The following CHL1 variants were observed in gnomAD, a reference collection of about 807,000 sequenced individuals.
The protein encoded by CHL1 is cell adhesion molecule L1 like, also known as neural cell adhesion molecule L1-like protein.
In CHL1, 96 loss-of-function variants were observed where a neutral mutation model predicts 141.9. The ratio of observed to expected loss-of-function variants is 0.68; its 90% CI spans 0.57 to 0.80. The LOEUF (loss-of-function observed/expected upper bound fraction) is 0.80. Ranked by LOEUF, CHL1 falls within the 30% of genes least tolerant of loss-of-function variation. The pLI is 0.00. For synonymous variants in CHL1, 613 were observed against 502.2 expected (o/e 1.22, Z -2.95); for missense variants, 1,820 against 1,457.2 (o/e 1.25, Z -4.05).
At chr3:218,973 C>T (rs1036504168) in intron 1 of CHL1, among the ~76,000 whole-genome samples, 4 of 151,890 alleles carry the variant, frequency 2.6e-5, no homozygotes, top group African/African-American at 9.7e-5. Flanking sequence ...GGTGAAACCC[C>T]GTCAGTAAAT....
intron 2 of CHL1, among the ~76,000 whole-genome samples, chr3:277,017 A>G (rs1210816641): frequency 6.6e-6 from 1 of 151,672 alleles, no homozygotes; most frequent in Non-Finnish European, 1.5e-5. Flanking sequence ...AAATGATCTC[A>G]TCTGAAAATT....
chr3:392,700 G>C (rs1001058339), intron 23 of CHL1, among the ~76,000 whole-genome samples: 3 of 152,154 alleles, frequency 2.0e-5, no homozygotes, highest in Admixed American at 6.5e-5. Flanking sequence ...TAGTCCTGTT[G>C]TGCTACTTTC....
intron 2 of CHL1, among the ~76,000 whole-genome samples, chr3:299,119 G>C (rs1404783810): frequency 6.6e-6 from 1 of 152,108 alleles, no homozygotes; most frequent in Non-Finnish European, 1.5e-5. Context: ...AAATGAAAGA[G>C]AATTCCTGGT....
intron 2 of CHL1, among the ~76,000 whole-genome samples, chr3:319,227 G>A (rs1700371728): frequency 8.1e-6 from 1 of 123,190 alleles, no homozygotes; most frequent in African/African-American, 3.6e-5. Flanking sequence ...ACTAGATGGG[G>A]GAGGGTAAGA....
chr3:259,620 G>C (rs1574887645), intron 2 of CHL1, among the ~76,000 whole-genome samples: 1 of 151,592 alleles, frequency 6.6e-6, no homozygotes, highest in African/African-American at 2.4e-5. Flanking sequence ...GCTTTACCCT[G>C]CTTTATTATT....
At chr3:212,009 ATAAAAAGTTACT>A (rs1699940197) in intron 1 of CHL1, among the ~76,000 whole-genome samples, 1 of 152,192 alleles carries the variant, frequency 6.6e-6, no homozygotes, top group African/African-American at 2.4e-5. Flanking sequence ...TTAGCCACCG[ATAAAAAGTTACT>A]TATTCAGAAA....
chr3:246,411 A>G, intron 2 of CHL1, among the ~76,000 whole-genome samples: 1 of 152,168 alleles, frequency 6.6e-6, no homozygotes, highest in East Asian at 1.9e-4. Context: ...TCATTATTTA[A>G]TTCTACAAAA....
chr3:331,533 T>G (rs758724451), intron 5 of CHL1, among the ~76,000 whole-genome samples: 1 of 152,110 alleles, frequency 6.6e-6, no homozygotes, highest in Admixed American at 6.6e-5. Flanking sequence ...TGAGCCACCA[T>G]GCCCAGTGTG....
chr3:368,357 A>G (rs999558812), intron 15 of CHL1, among the ~76,000 whole-genome samples: 13 of 151,734 alleles, frequency 8.6e-5, no homozygotes, highest in African/African-American at 3.1e-4. Flanking sequence ...GGTCATGTTG[A>G]GCTTTTTTTC....
intron 2 of CHL1, among the ~76,000 whole-genome samples, chr3:269,525 C>G (rs905102897): frequency 1.9e-4 from 29 of 151,952 alleles, no homozygotes; most frequent in African/African-American, 7.0e-4. Flanking sequence ...AAGACTCTCT[C>G]TCTCTATATA....
intron 1 of CHL1, among the ~76,000 whole-genome samples, chr3:214,271 ATCCCT>A (rs1559280091): frequency 6.6e-6 from 1 of 152,104 alleles, no homozygotes. Context: ...CCATCCACTG[ATCCCT>A]TCTAGGGCCT....
At chr3:330,799 G>T (rs747476723) in intron 5 of CHL1, among the ~76,000 whole-genome samples, 11 of 152,136 alleles carry the variant, frequency 7.2e-5, no homozygotes, top group Non-Finnish European at 1.5e-4. Context: ...AGTCATAGGG[G>T]ATTCTTGTTT....
intron 16 of CHL1, among the ~76,000 whole-genome samples, chr3:378,968 G>A (rs1706691920): frequency 6.6e-6 from 1 of 152,154 alleles, no homozygotes; most frequent in Non-Finnish European, 1.5e-5. Context: ...ACAGACATTT[G>A]TTCTGTTTCG....
At chr3:398,465 T>A (rs957673850) in intron 25 of CHL1, 80 bp downstream of exon 25, 1 of 796,548 alleles carries the variant, frequency 1.3e-6, no homozygotes, top group South Asian at 2.7e-5. Flanking sequence ...GTGTCCTATA[T>A]TAAACATAAA....
At chr3:252,399 T>TATA (rs1693789458) in intron 2 of CHL1, among the ~76,000 whole-genome samples, 1 of 143,388 alleles carries the variant, frequency 7.0e-6, no homozygotes, top group Non-Finnish European at 1.5e-5. Context: ...TATATATATA[T>TATA]ATTTCTATTT....
chr3:390,714 T>G lies in CHL1; in HGVS notation c.2484T>G (p.Ala828=). The part of the protein sequence containing the change: ...LYSGEDYPDT[A]PVIHGVDVIN... ...TATGATTAACAGATCCTGATACAGC[T>G]CCAGTGATCCATGGGGTGGACGTTA... The change falls in exon 21 of 28, where the codon GCT becomes GCG. Residue 828 remains alanine (A), a synonymous_variant. Coordinates refer to ENST00000256509, the MANE Select transcript of CHL1 (RefSeq NM_006614.4). 1.3e-6 allele frequency: 2 copies of G among 1,583,256 alleles called. No homozygotes were observed. The highest frequency in any genetic ancestry group is 8.7e-7 in the Non-Finnish European group (1 of 1,152,044).
At chr3:223,748 C>T (rs1701074144) in intron 1 of CHL1, among the ~76,000 whole-genome samples, 1 of 152,144 alleles carries the variant, frequency 6.6e-6, no homozygotes. Flanking sequence ...ATCAGCATCT[C>T]TGAAAGCTCA....
At chr3:259,690 G>T (rs191463939) in intron 2 of CHL1, among the ~76,000 whole-genome samples, 4 of 151,984 alleles carry the variant, frequency 2.6e-5, no homozygotes, top group African/African-American at 9.7e-5. Flanking sequence ...GTATTACAAG[G>T]CTTCATGAAA....
At chr3:227,873 C>T (rs1347388272) in intron 1 of CHL1, among the ~76,000 whole-genome samples, 1 of 152,182 alleles carries the variant, frequency 6.6e-6, no homozygotes, top group Non-Finnish European at 1.5e-5. Flanking sequence ...GTGAAGGAAG[C>T]CCAGAAATGC....
Sources: allele counts gnomAD v4.1 joint callset (sites outside exome capture counted in the v4.1 genomes callset), GRCh38; gene constraint gnomAD v4.1.1; transcripts MANE v1.5; gene names NCBI Gene and HGNC (gene_info 2026-07-23, HGNC 2026-07-21).